CAV3: variants seen among roughly 807,000 people sequenced by gnomAD.
The protein encoded by CAV3 is caveolin-3.
In CAV3, 10 loss-of-function variants were observed where a neutral mutation model predicts 13.4. The ratio of observed to expected loss-of-function variants is 0.75; its 90% CI spans 0.46 to 1.27. CAV3 has a LOEUF of 1.27. Among genes scored for constraint, CAV3 ranks in the 50% most tolerant of loss-of-function variants. The probability of loss-of-function intolerance (pLI) is 0.00; values close to 1 mark genes in which losing one functional copy is unlikely to be tolerated. For synonymous variants in CAV3, 90 were observed against 79.0 expected, an observed-to-expected ratio of 1.14 and a Z score of -0.74; for missense variants, 162 against 194.0, an observed-to-expected ratio of 0.83 and a Z score of 0.98.
chr3:8,738,744 T>C (rs1472280314), intron 1 of CAV3, among the ~76,000 whole-genome samples: 2 of 152,000 alleles, frequency 1.3e-5, no homozygotes, highest in Non-Finnish European at 2.9e-5. Context: ...TTGGGCAGAG[T>C]TGGCAAACGT....
chr3:8,736,841 G>A (rs139490553), intron 1 of CAV3, among the ~76,000 whole-genome samples: 265 of 152,304 alleles, frequency 1.7e-3, no homozygotes, highest in African/African-American at 6.1e-3. Context: ...TCTGCTTTAG[G>A]GATTTGTTTG....
Position 8,733,806 on chromosome 3 carries a change from G to A in CAV3, c.-71G>A. On this transcript the variant is annotated 5_prime_UTR_variant, in exon 1 of 2. Coordinates refer to ENST00000343849, the MANE Select transcript of CAV3 (RefSeq NM_033337.3). Reference sequence around the variant, plus strand: ...CTGGGGACACTGAATTGGTCTCTCTGCCCCAAGTATTTTCAGCCCCAGCCG... The same window carrying A: ...CTGGGGACACTGAATTGGTCTCTCTACCCCAAGTATTTTCAGCCCCAGCCG... 6.6e-6 allele frequency: 6 copies of A among 903,202 alleles called. No individual in the cohort carries two copies. The highest frequency in any genetic ancestry group is 1.8e-6 in the Non-Finnish European group (1 of 544,932). The allele number at this position is 903,202 out of a possible 1,614,324, so 55.9% of individuals were successfully genotyped here. A position where few individuals can be genotyped will look rare whatever the true frequency, so the allele number is the denominator to read the frequency against.
At chr3:8,738,014 TTCTC>T (rs147215433) in intron 1 of CAV3, among the ~76,000 whole-genome samples, 2 of 149,736 alleles carry the variant, frequency 1.3e-5, no homozygotes, top group Non-Finnish European at 3.0e-5. Context: ...CTCCTCTTTC[TTCTC>T]TCTCTCTCTC....
rs74279313 is a variant in CAV3 at position 8,745,092 on chromosome 3, A to G, written c.115-434A>G. 3.1e-4 allele frequency: 54 copies of G among 176,198 alleles called. No individual in the cohort carries two copies. The East Asian group carries it at 8.0e-3, about 26-fold the overall frequency. 10.9% of individuals were successfully genotyped at this position (176,198 alleles called of 1,614,324 possible). On this transcript the variant is annotated intron_variant, in intron 1 of 1. Coordinates refer to ENST00000343849, the MANE Select transcript of CAV3 (RefSeq NM_033337.3). The surrounding 1 kb of genome is among the most constrained non-coding windows in gnomAD (Gnocchi z 4.8). ...GGAGGTGATCGGATCACAGAGGCAG[A>G]TCCCTCGTGGCTTAGTGCTGTCCTC...
At chr3:8,738,444 G>C (rs1707836883) in intron 1 of CAV3, among the ~76,000 whole-genome samples, 1 of 152,194 alleles carries the variant, frequency 6.6e-6, no homozygotes, top group South Asian at 2.1e-4. Flanking sequence ...AAACTGACCT[G>C]GTACCTCCCT....
In CAV3 at chr3:8,745,219, G is replaced by A. The variant is rs1386723170; in HGVS notation, c.115-307G>A. Among the ~76,000 whole-genome samples the A allele has an allele frequency of 2.6e-5, 4 of 152,042 alleles. No individual in the cohort carries two copies. Among genetic ancestry groups the A allele is most frequent in the East Asian group, 1.9e-4 (1 of 5,180 alleles). Reference sequence around the variant, plus strand: ...TGCTCCCACTCTCACCAGGGGAGACGCCTGCTCTCCCTTCTCTAGCCATGG... The same window carrying A: ...TGCTCCCACTCTCACCAGGGGAGACACCTGCTCTCCCTTCTCTAGCCATGG... On this transcript the variant is annotated intron_variant, in intron 1 of 1. Transcript: ENST00000343849. The surrounding 1 kb of genome is among the most constrained non-coding windows in gnomAD (Gnocchi z 4.8).
intron 1 of CAV3, among the ~76,000 whole-genome samples, chr3:8,738,544 G>A (rs548857142): frequency 5.2e-4 from 79 of 152,316 alleles, no homozygotes; most frequent in Admixed American, 5.2e-3. Context: ...TGAGTGCCAG[G>A]TTAGGTGTCA....
At chr3:8,736,922 A>T (rs905650749) in intron 1 of CAV3, among the ~76,000 whole-genome samples, 4 of 152,234 alleles carry the variant, frequency 2.6e-5, no homozygotes, top group African/African-American at 9.6e-5. Flanking sequence ...ATCATAAAGC[A>T]GACTCAGATA....
In CAV3 at chr3:8,746,036, C is replaced by A; in HGVS notation, c.*169C>A. 1.7e-6 allele frequency: 1 copy of A among 602,132 alleles called. No homozygotes were observed. Among genetic ancestry groups the A allele is most frequent in the Non-Finnish European group, 2.9e-6 (1 of 341,994 alleles). The allele number at this position is 602,132 out of a possible 1,614,324, so 37.3% of individuals were successfully genotyped here. ...AGCCAGAAAGAAAAGACGGCCCAGCCACAGAAGCACAATGGCCCTTCGCTC... is the reference window on the plus strand; with the variant it reads ...AGCCAGAAAGAAAAGACGGCCCAGCAACAGAAGCACAATGGCCCTTCGCTC... On this transcript the variant is annotated 3_prime_UTR_variant, in exon 2 of 2. Coordinates refer to ENST00000343849, the MANE Select transcript of CAV3 (RefSeq NM_033337.3).
chr3:8,745,013 C>A lies in CAV3; in HGVS notation c.115-513C>A. 1 of 162,956 alleles carries A rather than the reference C, an allele frequency of 6.1e-6. No individual in the cohort carries two copies. Among genetic ancestry groups the A allele is most frequent in the Admixed American group, 5.7e-5 (1 of 17,624 alleles). 10.1% of individuals were successfully genotyped at this position (162,956 alleles called of 1,614,324 possible). On this transcript the variant is annotated intron_variant, in intron 1 of 1. Coordinates refer to ENST00000343849, the MANE Select transcript of CAV3 (RefSeq NM_033337.3). The surrounding 1 kb of genome is among the most constrained non-coding windows in gnomAD (Gnocchi z 4.8). ...GATGATATGGTCTGGATCTGTGTCC[C>A]CTCTAAACCTCATGGTGAAACATAA...
At chr3:8,739,479 G>C (rs1024725486) in intron 1 of CAV3, among the ~76,000 whole-genome samples, 1 of 151,806 alleles carries the variant, frequency 6.6e-6, no homozygotes, top group Non-Finnish European at 1.5e-5. Context: ...AAAGAGCCAG[G>C]TGTAGTGGTG....
intron 1 of CAV3, among the ~76,000 whole-genome samples, chr3:8,744,401 C>T (rs1708077336): frequency 6.6e-6 from 1 of 151,386 alleles, no homozygotes; most frequent in African/African-American, 2.4e-5. Flanking sequence ...TCCTCAGCCT[C>T]CCAAGTAGCT....
intron 1 of CAV3, chr3:8,742,635 T>C: frequency 4.7e-6 from 2 of 425,912 alleles, no homozygotes; most frequent in South Asian, 3.4e-5. Context: ...TGAGCAATAT[T>C]ACCATCACAA....
chr3:8,746,113 T>C lies in CAV3; in HGVS notation c.*246T>C, dbSNP rs1306474521. 2.0e-6 allele frequency: 1 copy of C among 490,982 alleles called. No individual in the cohort carries two copies. Among genetic ancestry groups the C allele is most frequent in the Non-Finnish European group, 3.7e-6 (1 of 272,458 alleles). 30.4% of individuals were successfully genotyped at this position (490,982 alleles called of 1,614,324 possible). ...ATGCCTGGGCGTGGGGGAAGATCAT[T>C]TGCCAAGAGGCAGCTACTGCAAGTC... is the stretch of plus-strand genomic sequence containing the variant. On this transcript the variant is annotated 3_prime_UTR_variant, in exon 2 of 2. Transcript: ENST00000343849.
chr3:8,736,809 A>C (rs957529052), intron 1 of CAV3, among the ~76,000 whole-genome samples: 1 of 152,224 alleles, frequency 6.6e-6, no homozygotes, highest in African/African-American at 2.4e-5. Flanking sequence ...GGAGGTGGTT[A>C]TTTGGTATGT....
chr3:8,734,618 CG>C (rs1224554113), intron 1 of CAV3, among the ~76,000 whole-genome samples: 2 of 152,242 alleles, frequency 1.3e-5, no homozygotes, highest in African/African-American at 2.4e-5. Context: ...AGTCTCTCAG[CG>C]TCTGAAGTTG....
At position 8,746,056 on chromosome 3, in the gene CAV3, T is replaced by C. The variant is rs1708152038; in HGVS notation, c.*189T>C. 6.8e-6 allele frequency: 4 copies of C among 584,862 alleles called. No individual in the cohort carries two copies. Among genetic ancestry groups the C allele is most frequent in the Non-Finnish European group, 1.2e-5 (4 of 328,516 alleles). 36.2% of individuals were successfully genotyped at this position (584,862 alleles called of 1,614,324 possible). A position where few individuals can be genotyped will look rare whatever the true frequency, so the allele number is the denominator to read the frequency against. On this transcript the variant is annotated 3_prime_UTR_variant, in exon 2 of 2. Transcript: ENST00000343849. The stretch of plus-strand genomic sequence containing the variant: ...CCAGCCACAGAAGCACAATGGCCCT[T>C]CGCTCTCCCCCAGCCCCACCATGAT...
At chr3:8,734,319 G>A (rs955392891) in intron 1 of CAV3, among the ~76,000 whole-genome samples, 154 of 152,194 alleles carry the variant, frequency 1.0e-3, no homozygotes, top group African/African-American at 3.5e-3. Flanking sequence ...CACCCTGGGA[G>A]GAACAGGAAC....
intron 1 of CAV3, chr3:8,744,910 T>C (rs915379982): frequency 3.1e-4 from 47 of 153,282 alleles, no homozygotes; most frequent in African/African-American, 1.1e-3. Flanking sequence ...AGCAGCAGCT[T>C]GGGCTCAACA....
Sources: gnomAD v4.1 joint callset for allele counts (sites outside exome capture counted in the v4.1 genomes callset) on GRCh38, gnomAD v4.1.1 for gene constraint, Gnocchi (gnomAD v3.1) non-coding constraint, MANE v1.5 for transcripts, NCBI Gene and HGNC (gene_info 2026-07-23, HGNC 2026-07-21) for gene names.